Variants in TAB2 observed in about 807,000 individuals in gnomAD.
TAB2 encodes TGF-beta activated kinase 1 (MAP3K7) binding protein 2.
Under a neutral mutation model 65.0 loss-of-function variants are expected in TAB2, and 3 were observed. The ratio of observed to expected loss-of-function variants is 0.05; its 90% CI spans 0.02 to 0.12. TAB2 has a LOEUF of 0.12. Among genes scored for constraint, TAB2 ranks in the 10% least tolerant of loss-of-function variants. TAB2 has a pLI of 1.00. For synonymous variants in TAB2, 298 were observed against 285.1 expected, an observed-to-expected ratio of 1.05 and a Z score of -0.46; for missense variants, 623 against 840.3, an observed-to-expected ratio of 0.74 and a Z score of 3.20.
Position 149,410,286 on chromosome 6 carries a change from A to C in TAB2, c.*567A>C, listed in dbSNP as rs1269079503. On this transcript the variant is annotated 3_prime_UTR_variant, in exon 7 of 7. Coordinates refer to ENST00000637181, the MANE Select transcript of TAB2 (RefSeq NM_001292034.3). ...TGTGAAGCCAGCATCTAGGGGCTAA[A>C]GATGCAAAGGAAAGCAGCATGCATT... 2 of 163,550 alleles carry C rather than the reference A, an allele frequency of 1.2e-5. No homozygotes were observed. Among genetic ancestry groups the C allele is most frequent in the Non-Finnish European group, 2.7e-5 (2 of 74,652 alleles). The allele number at this position is 163,550 out of a possible 1,614,324, so 10.1% of individuals were successfully genotyped here.
chr6:149,296,040 A>G (rs538523358), intron 1 of TAB2, among the ~76,000 whole-genome samples: 79 of 152,324 alleles, frequency 5.2e-4, no homozygotes, highest in African/African-American at 1.9e-3. Flanking sequence ...AAAGTGCTGG[A>G]TTACAGGCAT....
At chr6:149,242,981 G>T (rs962037026) in intron 1 of TAB2, among the ~76,000 whole-genome samples, 1 of 152,210 alleles carries the variant, frequency 6.6e-6, no homozygotes, top group African/African-American at 2.4e-5. Context: ...CCAGAAATTA[G>T]GATCTGCATC....
chr6:149,343,179 C>G (rs186306767), intron 1 of TAB2, among the ~76,000 whole-genome samples: 307 of 152,292 alleles, frequency 2.0e-3, no homozygotes, highest in Non-Finnish European at 3.8e-3. Flanking sequence ...ACATTGAGTA[C>G]AAGCAGTATA....
intron 3 of TAB2, among the ~76,000 whole-genome samples, chr6:149,388,731 A>G (rs1282194866): frequency 6.6e-6 from 1 of 152,018 alleles, no homozygotes; most frequent in East Asian, 1.9e-4. Context: ...TTTTCCAGCC[A>G]TTTGTATTTC....
intron 1 of TAB2, among the ~76,000 whole-genome samples, chr6:149,337,549 A>G (rs1050633281): frequency 6.6e-6 from 1 of 152,236 alleles, no homozygotes; most frequent in Non-Finnish European, 1.5e-5. Context: ...AGATGTGTTA[A>G]CATAGAAAAT....
At chr6:149,404,291 GAC>G (rs1308040762) in intron 6 of TAB2, among the ~76,000 whole-genome samples, 1 of 151,894 alleles carries the variant, frequency 6.6e-6, no homozygotes, top group East Asian at 1.9e-4. Context: ...AATTAAAGAA[GAC>G]ACAGATAAAT....
intron 1 of TAB2, among the ~76,000 whole-genome samples, chr6:149,355,146 T>C (rs1780615835): frequency 6.6e-6 from 1 of 152,184 alleles, no homozygotes. Context: ...CCCTATACTT[T>C]TTTGTTTGGT....
intron 1 of TAB2, among the ~76,000 whole-genome samples, chr6:149,277,769 C>T (rs188990350): frequency 6.6e-6 from 1 of 152,240 alleles, no homozygotes; most frequent in Non-Finnish European, 1.5e-5. Flanking sequence ...AATGTACTAC[C>T]ATATAGTATC....
chr6:149,244,268 T>C (rs1777657009), intron 1 of TAB2: 1 of 152,262 alleles, frequency 6.6e-6, no homozygotes, highest in Non-Finnish European at 1.5e-5. Flanking sequence ...TACTACATGC[T>C]GGGCACTGTG....
intron 1 of TAB2, among the ~76,000 whole-genome samples, chr6:149,337,694 C>G (rs1381192641): frequency 6.6e-6 from 1 of 152,150 alleles, no homozygotes; most frequent in African/African-American, 2.4e-5. Flanking sequence ...TATTATTTAT[C>G]TGTTTCAGTT....
intron 1 of TAB2, among the ~76,000 whole-genome samples, chr6:149,250,305 CT>C (rs10717615): frequency 0.32 from 46,824 of 148,468 alleles, 7,937 homozygotes; most frequent in African/African-American, 0.47. Context: ...ATTCACCAAA[CT>C]TTTTTTTTTT....
At chr6:149,349,521 GGTAA>G (rs959243535) in intron 1 of TAB2, among the ~76,000 whole-genome samples, 11 of 152,084 alleles carry the variant, frequency 7.2e-5, no homozygotes, top group South Asian at 6.2e-4. Context: ...TGAGATAGCT[GGTAA>G]GTGTTTCAGG....
chr6:149,284,978 G>A (rs971082822), intron 1 of TAB2, among the ~76,000 whole-genome samples: 2 of 152,326 alleles, frequency 1.3e-5, no homozygotes, highest in South Asian at 2.1e-4. Context: ...GGTGCTGCAA[G>A]GAGCAGGAGA....
At chr6:149,379,899 T>C in intron 3 of TAB2, 1 of 455,954 alleles carries the variant, frequency 2.2e-6, no homozygotes, top group Non-Finnish European at 4.4e-6. Context: ...GTTGACTCTC[T>C]TGACTAATAT....
chr6:149,299,196 T>C (rs1299209544), intron 1 of TAB2, among the ~76,000 whole-genome samples: 1 of 152,248 alleles, frequency 6.6e-6, no homozygotes, highest in Non-Finnish European at 1.5e-5. Flanking sequence ...TAGCATTGGC[T>C]TGAAATGTTT....
chr6:149,260,432 G>A (rs947606743), intron 1 of TAB2, among the ~76,000 whole-genome samples: 8 of 152,238 alleles, frequency 5.3e-5, no homozygotes, highest in East Asian at 3.8e-4. Context: ...AAAATAAAGC[G>A]AAGCTGGCTT....
Position 149,411,309 on chromosome 6 carries a change from GA to G in TAB2, c.*1592del, listed in dbSNP as rs1317583313. On this transcript the variant is annotated 3_prime_UTR_variant, in exon 7 of 7. Transcript: ENST00000637181. ...TGGGATTATTACAGTTGATCTCTAT[GA>G]ATGTCAGAGCCCTAACTTTCAGGCT... The G allele has an allele frequency of 1.3e-5, 2 of 152,444 alleles. No individual in the cohort carries two copies. The highest frequency in any genetic ancestry group is 4.8e-5 in the African/African-American group (2 of 41,426). The allele number at this position is 152,444 out of a possible 1,614,324, so 9.4% of individuals were successfully genotyped here.
intron 3 of TAB2, among the ~76,000 whole-genome samples, chr6:149,381,391 A>G (rs1056456843): frequency 6.6e-5 from 10 of 152,026 alleles, no homozygotes; most frequent in African/African-American, 2.2e-4. Context: ...CAGGTTTCCT[A>G]TGGTTGGATA....
chr6:149,243,551 G>T (rs1254716539), intron 1 of TAB2: 2 of 152,162 alleles, frequency 1.3e-5, no homozygotes, highest in African/African-American at 4.8e-5. Flanking sequence ...TAAAACACAG[G>T]AGACAACTTT....
Sources: allele counts gnomAD v4.1 joint callset (sites outside exome capture counted in the v4.1 genomes callset), GRCh38; gene constraint gnomAD v4.1.1; transcripts MANE v1.5; gene names NCBI Gene and HGNC (gene_info 2026-07-23, HGNC 2026-07-21).